The following CNTNAP2 variants were observed in gnomAD, a reference collection of about 807,000 sequenced individuals.
CNTNAP2 encodes the protein contactin associated protein 2.
Under a neutral mutation model 155.2 loss-of-function variants are expected in CNTNAP2, and 98 were observed. The observed-to-expected ratio is 0.63, with a 90% CI of 0.54 to 0.75. The LOEUF is 0.75. Among genes scored for constraint, CNTNAP2 ranks in the 30% least tolerant of loss-of-function variants. The pLI is 0.00. For missense variants in CNTNAP2, 1,727 were observed against 1,688.1 expected, an observed-to-expected ratio of 1.02 and a Z score of -0.40; for synonymous variants, 651 against 631.2, an observed-to-expected ratio of 1.03 and a Z score of -0.47.
chr7:147,736,803 G>T lies in CNTNAP2; in HGVS notation c.2098+97497G>T, dbSNP rs192551712. Among the ~76,000 whole-genome samples, 1,108 of 152,236 alleles carry T rather than the reference G, an allele frequency of 7.3e-3. 21 individuals are homozygous for T. The highest frequency in any genetic ancestry group is 0.026 in the African/African-American group (1,067 of 41,524). On this transcript the variant is annotated intron_variant, in intron 13 of 23. Transcript: ENST00000361727. ...TCAGTCACTGATACCCTTTCTTCCA[G>T]TTGATTGAATCGGCTACTGAAGCTT... is the stretch of plus-strand genomic sequence containing the variant.
At chr7:146,364,371 C>T (rs1795126323) in intron 1 of CNTNAP2, among the ~76,000 whole-genome samples, 1 of 152,172 alleles carries the variant, frequency 6.6e-6, no homozygotes, top group African/African-American at 2.4e-5. Context: ...ATATGCAACT[C>T]ACTGCTGACA....
At chr7:147,863,014 T>C (rs1013679836) in intron 13 of CNTNAP2, among the ~76,000 whole-genome samples, 6 of 152,112 alleles carry the variant, frequency 3.9e-5, no homozygotes, top group Admixed American at 3.9e-4. Context: ...ATATGCCATG[T>C]TGGTTTGCTC....
intron 11 of CNTNAP2, among the ~76,000 whole-genome samples, chr7:147,513,328 C>G (rs567855386): frequency 1.4e-4 from 22 of 151,772 alleles, no homozygotes; most frequent in Middle Eastern, 3.4e-3. Flanking sequence ...GGCAAGAGGC[C>G]GTGGATTGCC....
chr7:147,688,248 C>T (rs558699887), intron 13 of CNTNAP2, among the ~76,000 whole-genome samples: 1 of 152,126 alleles, frequency 6.6e-6, no homozygotes, highest in Admixed American at 6.6e-5. Context: ...AGAAGGAAGA[C>T]CAGTTATTAA....
intron 1 of CNTNAP2, among the ~76,000 whole-genome samples, chr7:146,445,548 A>G (rs1161417307): frequency 6.6e-6 from 1 of 152,222 alleles, no homozygotes; most frequent in Non-Finnish European, 1.5e-5. Context: ...AATTGTTCAA[A>G]ACAAGAAAGC....
intron 1 of CNTNAP2, among the ~76,000 whole-genome samples, chr7:146,263,200 T>C (rs1252261300): frequency 2.0e-5 from 3 of 149,638 alleles, no homozygotes; most frequent in African/African-American, 7.6e-5. Context: ...GCGCCTGTGA[T>C]CCCAGCTAAT....
At chr7:148,325,017 A>G (rs575452646) in intron 21 of CNTNAP2, among the ~76,000 whole-genome samples, 9 of 152,250 alleles carry the variant, frequency 5.9e-5, no homozygotes, top group Non-Finnish European at 1.2e-4. Context: ...CATTGAAAAT[A>G]TCTGTGTCAA....
At chr7:146,821,317 T>A (rs936924612) in intron 2 of CNTNAP2, among the ~76,000 whole-genome samples, 1 of 152,096 alleles carries the variant, frequency 6.6e-6, no homozygotes, top group Non-Finnish European at 1.5e-5. Flanking sequence ...TGTTCCTTTC[T>A]ATGCTTAGTG....
intron 4 of CNTNAP2, among the ~76,000 whole-genome samples, chr7:147,065,268 C>T (rs926607645): frequency 1.3e-5 from 2 of 152,062 alleles, no homozygotes; most frequent in African/African-American, 4.8e-5. Flanking sequence ...AAATGTCTTG[C>T]ACATAGTAAT....
chr7:146,489,538 G>C (rs543775434), intron 1 of CNTNAP2, among the ~76,000 whole-genome samples: 4 of 152,154 alleles, frequency 2.6e-5, no homozygotes, highest in Admixed American at 6.5e-5. Flanking sequence ...TTGCCAACTG[G>C]GGACCTCCAC....
intron 3 of CNTNAP2, among the ~76,000 whole-genome samples, chr7:146,967,508 T>G (rs181482876): frequency 6.6e-6 from 1 of 152,202 alleles, no homozygotes. Flanking sequence ...GTAGTTCTCC[T>G]TGAAGAGGTC....
At chr7:148,286,782 G>A (rs1797091540) in intron 21 of CNTNAP2, among the ~76,000 whole-genome samples, 1 of 152,172 alleles carries the variant, frequency 6.6e-6, no homozygotes, top group Non-Finnish European at 1.5e-5. Context: ...CTTTTCAATT[G>A]ACTGTAATTT....
chr7:147,095,112 C>G (rs554089864), intron 4 of CNTNAP2, among the ~76,000 whole-genome samples: 1 of 151,726 alleles, frequency 6.6e-6, no homozygotes, highest in Non-Finnish European at 1.5e-5. Context: ...CTTCGTCTAC[C>G]GGGTTCAAGC....
At chr7:146,201,327 G>A (rs985311906) in intron 1 of CNTNAP2, among the ~76,000 whole-genome samples, 9 of 151,010 alleles carry the variant, frequency 6.0e-5, no homozygotes, top group African/African-American at 2.2e-4. Context: ...GGAACTTTGA[G>A]TAATTATATG....
At chr7:148,207,962 C>A (rs1442997216) in intron 18 of CNTNAP2, among the ~76,000 whole-genome samples, 1 of 152,026 alleles carries the variant, frequency 6.6e-6, no homozygotes, top group Non-Finnish European at 1.5e-5. Flanking sequence ...GTGGCGGGGG[C>A]CTGTAGTCCC....
intron 3 of CNTNAP2, among the ~76,000 whole-genome samples, chr7:146,966,440 C>T (rs1158260793): frequency 6.6e-5 from 10 of 152,194 alleles, no homozygotes; most frequent in Non-Finnish European, 1.3e-4. Context: ...GTGCCCAGAA[C>T]CAGCTGCCGC....
chr7:147,536,487 G>C (rs1799541196), intron 11 of CNTNAP2, among the ~76,000 whole-genome samples: 1 of 152,156 alleles, frequency 6.6e-6, no homozygotes, highest in African/African-American at 2.4e-5. Flanking sequence ...GACACCAAAG[G>C]GACAGAGAGG....
At chr7:147,418,873 C>T (rs1272742852) in intron 10 of CNTNAP2, among the ~76,000 whole-genome samples, 5 of 152,226 alleles carry the variant, frequency 3.3e-5, no homozygotes, top group Non-Finnish European at 5.9e-5. Context: ...CTTCAAGCCT[C>T]GAAGCACCAG....
intron 8 of CNTNAP2, among the ~76,000 whole-genome samples, chr7:147,207,890 G>A (rs887271546): frequency 6.6e-6 from 1 of 152,060 alleles, no homozygotes; most frequent in Non-Finnish European, 1.5e-5. Context: ...CCATAATAGT[G>A]GAGAAATAGG....
Sources: allele counts gnomAD v4.1 joint callset (sites outside exome capture counted in the v4.1 genomes callset), GRCh38; gene constraint gnomAD v4.1.1; transcripts MANE v1.5; gene names NCBI Gene and HGNC (gene_info 2026-07-23, HGNC 2026-07-21).